Variants in APBB2 observed in about 807,000 individuals in gnomAD.
The protein encoded by APBB2 is Fe65-like 1.
A neutral mutation model predicts 82.5 loss-of-function variants in APBB2; 38 were observed. That is an observed-to-expected ratio of 0.46 (90% CI 0.36 to 0.60). The LOEUF (loss-of-function observed/expected upper bound fraction) is 0.60. APBB2 is among the 20% of genes least tolerant of loss of function. The probability of loss-of-function intolerance (pLI) is 0.00; values close to 1 mark genes in which losing one functional copy is unlikely to be tolerated. For missense variants in APBB2, 772 were observed against 972.3 expected (o/e 0.79, Z 2.74); for synonymous variants, 341 against 368.2 (o/e 0.93, Z 0.85).
Position 40,826,501 on chromosome 4 carries a change from T to G in APBB2, c.1733-531A>C, listed in dbSNP as rs1190613559. Among the ~76,000 whole-genome samples the G allele has an allele frequency of 6.6e-6, 1 of 152,108 alleles. No homozygotes were observed. The highest frequency in any genetic ancestry group is 1.5e-5 in the Non-Finnish European group (1 of 68,012). ...TTCTACAGGTGCATGCTGCCATACC[T>G]GGCTAATTTTTTGTATTTTAGTAGA... On this transcript the variant is annotated intron_variant, in intron 14 of 17. Transcript: ENST00000508593. The surrounding 1 kb of genome is among the most constrained non-coding windows in gnomAD (Gnocchi z 4.5).
At chr4:40,915,970 A>AGTCT (rs1779735224) in intron 10 of APBB2, among the ~76,000 whole-genome samples, 1 of 152,170 alleles carries the variant, frequency 6.6e-6, no homozygotes, top group Non-Finnish European at 1.5e-5. Context: ...GTGTGAGTGA[A>AGTCT]GTCTGTCTTT....
chr4:40,955,903 G>A (rs939896151), intron 6 of APBB2, among the ~76,000 whole-genome samples: 3 of 152,026 alleles, frequency 2.0e-5, no homozygotes, highest in Non-Finnish European at 4.4e-5. Context: ...AGCCTCTCGA[G>A]TAGCTGGGAT....
intron 1 of APBB2, among the ~76,000 whole-genome samples, chr4:41,202,608 AT>A (rs1316963560): frequency 9.9e-5 from 15 of 152,168 alleles, no homozygotes; most frequent in Non-Finnish European, 1.2e-4. Flanking sequence ...ATGCAAACAA[AT>A]TTTTTACAAC....
chr4:41,171,973 GC>G (rs1376761045), intron 1 of APBB2, among the ~76,000 whole-genome samples: 3 of 152,168 alleles, frequency 2.0e-5, no homozygotes, highest in Non-Finnish European at 4.4e-5. Flanking sequence ...GGTGGCAGAA[GC>G]CTGTAATCCC....
At position 41,012,706 on chromosome 4, in the gene APBB2, A is replaced by G. The variant is rs147156790; in HGVS notation, c.835+877T>C. Among the ~76,000 whole-genome samples the G allele has an allele frequency of 2.0e-4, 30 of 152,136 alleles. No individual in the cohort carries two copies. In the East Asian group the frequency reaches 5.6e-3, roughly 28 times the overall value. ...TCTATCTATTTTCTTTGTTATATCT[A>G]TATTAACACAGCCCTGGGACCCACT... On this transcript the variant is annotated intron_variant, in intron 6 of 17. Transcript: ENST00000508593.
intron 10 of APBB2, among the ~76,000 whole-genome samples, chr4:40,898,484 C>G (rs1209716575): frequency 6.6e-6 from 1 of 152,134 alleles, no homozygotes; most frequent in African/African-American, 2.4e-5. Context: ...AGGCTGGTCT[C>G]AAACTCCTGA....
chr4:41,107,725 C>T (rs28624191), intron 2 of APBB2, among the ~76,000 whole-genome samples: 23,251 of 152,184 alleles, frequency 0.15, 1,944 homozygotes, highest in Non-Finnish European at 0.19. Flanking sequence ...TTTTGCCAAA[C>T]ATGCTTAATC....
At chr4:40,993,668 T>C (rs955883100) in intron 6 of APBB2, among the ~76,000 whole-genome samples, 2 of 152,042 alleles carry the variant, frequency 1.3e-5, no homozygotes, top group Admixed American at 6.6e-5. Flanking sequence ...GATTACAGCA[T>C]AAGCCATCAT....
At chr4:40,999,327 C>T (rs1474306589) in intron 6 of APBB2, among the ~76,000 whole-genome samples, 7 of 152,030 alleles carry the variant, frequency 4.6e-5, no homozygotes, top group African/African-American at 1.7e-4. Context: ...ACCTGTGGTC[C>T]CAGCTACTCA....
intron 1 of APBB2, among the ~76,000 whole-genome samples, chr4:41,207,224 A>C (rs2154079939): frequency 1.4e-5 from 2 of 142,656 alleles, no homozygotes; most frequent in East Asian, 4.3e-4. Flanking sequence ...AAAAAAAAAA[A>C]AGGAAATAAT....
chr4:40,989,371 G>C (rs746355445), intron 6 of APBB2, among the ~76,000 whole-genome samples: 2 of 151,974 alleles, frequency 1.3e-5, no homozygotes, highest in African/African-American at 4.8e-5. Context: ...CATTTCCTGG[G>C]AGCAAAACCA....
intron 2 of APBB2, among the ~76,000 whole-genome samples, chr4:41,118,981 A>G (rs1447144616): frequency 1.3e-5 from 2 of 152,070 alleles, no homozygotes; most frequent in African/African-American, 4.8e-5. Context: ...CTCTACAAAA[A>G]TACAAAAATT....
intron 12 of APBB2, among the ~76,000 whole-genome samples, chr4:40,864,736 C>T (rs1763632170): frequency 6.6e-6 from 1 of 152,066 alleles, no homozygotes; most frequent in Non-Finnish European, 1.5e-5. Flanking sequence ...TATCTTCCCA[C>T]CACCCACCAC....
chr4:40,934,352 T>C, intron 10 of APBB2, 104 bp downstream of exon 10: 4 of 1,127,588 alleles, frequency 3.5e-6, no homozygotes, highest in Non-Finnish European at 5.3e-6. Context: ...AATTACTTAT[T>C]AAATGGCTCT....
At chr4:41,132,734 C>G (rs1756411029) in intron 2 of APBB2, among the ~76,000 whole-genome samples, 1 of 152,140 alleles carries the variant, frequency 6.6e-6, no homozygotes, top group Non-Finnish European at 1.5e-5. Context: ...CATTTGCTAT[C>G]TATATGCTTT....
At chr4:41,184,754 G>A (rs1385455435) in intron 1 of APBB2, among the ~76,000 whole-genome samples, 1 of 152,202 alleles carries the variant, frequency 6.6e-6, no homozygotes, top group East Asian at 1.9e-4. Context: ...GCTACAGAGT[G>A]CAGCCTCACC....
chr4:41,134,381 C>T (rs1019424221), intron 2 of APBB2, among the ~76,000 whole-genome samples: 2 of 152,062 alleles, frequency 1.3e-5, no homozygotes, highest in East Asian at 2.0e-4. Flanking sequence ...AGATGGAGAC[C>T]ATCCTGGCTA....
chr4:41,114,610 C>CA (rs1750335298), intron 2 of APBB2, among the ~76,000 whole-genome samples: 1 of 152,196 alleles, frequency 6.6e-6, no homozygotes, highest in Non-Finnish European at 1.5e-5. Flanking sequence ...AGCTGATAAG[C>CA]AACTTCCACA....
chr4:40,948,500 C>T (rs1789079312), intron 6 of APBB2, among the ~76,000 whole-genome samples: 1 of 152,028 alleles, frequency 6.6e-6, no homozygotes, highest in African/African-American at 2.4e-5. Context: ...GTGGCTCATG[C>T]CTGTAATCTC....
Sources: gnomAD v4.1 joint callset for allele counts (sites outside exome capture counted in the v4.1 genomes callset) on GRCh38, gnomAD v4.1.1 for gene constraint, Gnocchi (gnomAD v3.1) non-coding constraint, MANE v1.5 for transcripts, NCBI Gene and HGNC (gene_info 2026-07-23, HGNC 2026-07-21) for gene names.